The following PTPRM variants were observed in gnomAD, a reference collection of about 807,000 sequenced individuals.
PTPRM encodes the protein receptor-type tyrosine-protein phosphatase mu.
In PTPRM, 47 loss-of-function variants were observed where a neutral mutation model predicts 186.7. That is an observed-to-expected ratio of 0.25 (90% CI 0.20 to 0.32). PTPRM has a LOEUF of 0.32. PTPRM is among the 10% of genes least tolerant of loss of function. PTPRM has a pLI of 1.00. For synonymous variants in PTPRM, 668 were observed against 674.9 expected (o/e 0.99, Z 0.16); for missense variants, 1,494 against 1,865.0 (o/e 0.80, Z 3.66).
chr18:7,768,229 G>C (rs1315158616), intron 1 of PTPRM, among the ~76,000 whole-genome samples: 1 of 152,142 alleles, frequency 6.6e-6, no homozygotes. Flanking sequence ...TGCGCATGGT[G>C]GCTCATGCCT....
At chr18:8,404,039 G>A (rs1013926160) in intron 32 of PTPRM, 2 of 152,102 alleles carry the variant, frequency 1.3e-5, no homozygotes, top group Admixed American at 6.5e-5. Flanking sequence ...TTGTGTATAC[G>A]TATGTTTTCA....
chr18:8,053,395 G>A (rs1255417743), intron 7 of PTPRM, among the ~76,000 whole-genome samples: 1 of 151,996 alleles, frequency 6.6e-6, no homozygotes, highest in African/African-American at 2.4e-5. Context: ...AATTGAGTCA[G>A]AATTGATTTT....
intron 1 of PTPRM, among the ~76,000 whole-genome samples, chr18:7,729,351 A>G (rs2040610260): frequency 6.6e-6 from 1 of 152,118 alleles, no homozygotes; most frequent in African/African-American, 2.4e-5. Flanking sequence ...ACCCTGATTC[A>G]GGGTTTGTGG....
At chr18:8,362,173 C>T (rs1029519381) in intron 23 of PTPRM, among the ~76,000 whole-genome samples, 10 of 152,170 alleles carry the variant, frequency 6.6e-5, no homozygotes, top group African/African-American at 1.2e-4. Flanking sequence ...GGGTGATCCC[C>T]GGCCCCAACT....
At chr18:8,114,622 A>G (rs2091887717) in intron 12 of PTPRM, among the ~76,000 whole-genome samples, 169 bp from the exon 13 acceptor site, 1 of 152,228 alleles carries the variant, frequency 6.6e-6, no homozygotes, top group African/African-American at 2.4e-5. Flanking sequence ...CACTGGAGCC[A>G]GAAAATGTAT....
intron 14 of PTPRM, among the ~76,000 whole-genome samples, chr18:8,151,249 T>G (rs2092999560): frequency 6.6e-6 from 1 of 151,926 alleles, no homozygotes; most frequent in Non-Finnish European, 1.5e-5. Context: ...TTCCCCCAGG[T>G]GCTTCGTCCC....
intron 3 of PTPRM, among the ~76,000 whole-genome samples, chr18:7,890,478 A>G (rs181874568): frequency 1.3e-3 from 203 of 152,294 alleles, no homozygotes; most frequent in African/African-American, 4.5e-3. Context: ...TATACCTACA[A>G]CAATTTCTAG....
At chr18:8,205,462 C>T (rs887873682) in intron 14 of PTPRM, among the ~76,000 whole-genome samples, 2 of 151,138 alleles carry the variant, frequency 1.3e-5, no homozygotes, top group Non-Finnish European at 2.9e-5. Flanking sequence ...TTTGGGTTTG[C>T]TTTCTTTATT....
intron 1 of PTPRM, among the ~76,000 whole-genome samples, chr18:7,578,748 CAG>C (rs1479220876): frequency 2.0e-5 from 3 of 151,970 alleles, no homozygotes; most frequent in Admixed American, 1.3e-4. Context: ...GCTGGGATTA[CAG>C]GCGTGAGCTG....
At chr18:7,685,707 A>G (rs940496972) in intron 1 of PTPRM, among the ~76,000 whole-genome samples, 2 of 152,166 alleles carry the variant, frequency 1.3e-5, no homozygotes, top group Admixed American at 6.5e-5. Context: ...TAGTTTTCCT[A>G]AGGCTATTGG....
At chr18:7,793,955 A>G (rs754038391) in intron 2 of PTPRM, among the ~76,000 whole-genome samples, 23 of 152,170 alleles carry the variant, frequency 1.5e-4, no homozygotes, top group Non-Finnish European at 2.5e-4. Context: ...AGAAGAGCAC[A>G]CCACCAGACA....
At chr18:8,345,397 G>T (rs1334015553) in intron 23 of PTPRM, among the ~76,000 whole-genome samples, 1 of 152,008 alleles carries the variant, frequency 6.6e-6, no homozygotes, top group African/African-American at 2.4e-5. Flanking sequence ...ACCACATATA[G>T]CCAATAGCAG....
At chr18:7,944,420 C>A (rs1003493711) in intron 5 of PTPRM, among the ~76,000 whole-genome samples, 2 of 152,172 alleles carry the variant, frequency 1.3e-5, no homozygotes, top group Admixed American at 1.3e-4. Context: ...GGACTCACAC[C>A]GTATCTCCTC....
intron 5 of PTPRM, among the ~76,000 whole-genome samples, chr18:7,937,542 C>T (rs528171878): frequency 3.9e-5 from 6 of 152,322 alleles, no homozygotes; most frequent in East Asian, 3.9e-4. Context: ...TAGTGTCAGC[C>T]GAGCGCAGCC....
chr18:7,772,687 A>C (rs575855193), intron 1 of PTPRM, among the ~76,000 whole-genome samples: 2 of 152,020 alleles, frequency 1.3e-5, no homozygotes, highest in African/African-American at 2.4e-5. Flanking sequence ...TGACCTAAGC[A>C]TTTGGATAGA....
At chr18:7,842,538 G>A (rs2046374855) in intron 2 of PTPRM, among the ~76,000 whole-genome samples, 2 of 152,144 alleles carry the variant, frequency 1.3e-5, no homozygotes, top group Admixed American at 6.5e-5. Context: ...GTGGGCTTGA[G>A]TTGAGATTAA....
In PTPRM at chr18:7,925,798, G is replaced by T. The variant is rs181550359; in HGVS notation, c.548-770G>T. Among the ~76,000 whole-genome samples the T allele has an allele frequency of 3.7e-4, 57 of 152,282 alleles. No homozygotes were observed. In the East Asian group the frequency reaches 0.011, roughly 28 times the overall value. On this transcript the variant is annotated intron_variant, in intron 4 of 32. Transcript: ENST00000580170. Reference sequence around the variant, plus strand: ...AGAATTTTCATAAAATTTAAGTCCTGACTTACCGTCCTGGTTCCTGGACAC... The same window carrying T: ...AGAATTTTCATAAAATTTAAGTCCTTACTTACCGTCCTGGTTCCTGGACAC...
At chr18:7,926,528 T>C (rs751485653) in intron 4 of PTPRM, 40 bp from the exon 5 acceptor site, 2 of 1,500,468 alleles carry the variant, frequency 1.3e-6, no homozygotes, top group Non-Finnish European at 1.8e-6. Flanking sequence ...TAGTTACAAA[T>C]CTCCACTTTT....
chr18:7,622,329 C>T (rs2037959959), intron 1 of PTPRM, among the ~76,000 whole-genome samples: 1 of 151,972 alleles, frequency 6.6e-6, no homozygotes, highest in African/African-American at 2.4e-5. Context: ...GCTACTTCCT[C>T]TACCCTCTCA....
Sources: allele counts gnomAD v4.1 joint callset (sites outside exome capture counted in the v4.1 genomes callset), GRCh38; gene constraint gnomAD v4.1.1; transcripts MANE v1.5; gene names NCBI Gene and HGNC (gene_info 2026-07-23, HGNC 2026-07-21).